ERCC8: variants seen among roughly 807,000 people sequenced by gnomAD.
ERCC8 encodes the protein ERCC excision repair 8, CSA ubiquitin ligase complex subunit.
A neutral mutation model predicts 54.9 loss-of-function variants in ERCC8; 52 were observed. The ratio of observed to expected loss-of-function variants is 0.95; its 90% CI spans 0.76 to 1.19. The LOEUF is 1.19. Among genes scored for constraint, ERCC8 ranks in the 50% most tolerant of loss-of-function variants. ERCC8 has a pLI of 0.00. For synonymous variants in ERCC8, 146 were observed against 157.2 expected (o/e 0.93, Z 0.53); for missense variants, 514 against 466.1 (o/e 1.10, Z -0.95).
At position 60,890,876 on chromosome 5, in the gene ERCC8, G is replaced by GT. The variant is rs1748524454; in HGVS notation, c.1041+12dup. ...AGCTAGCTGAACATTTTAAATTCCT[G>GT]TATCACTCTTACCTGGAAATTTGAC... On this transcript the variant is annotated intron_variant, in intron 10 of 11. Transcript: ENST00000676185. 5 of 1,596,248 alleles carry GT rather than the reference G, an allele frequency of 3.1e-6. No homozygotes were observed. In the South Asian group the frequency reaches 5.5e-5, roughly 18 times the overall value.
At chr5:60,892,499 C>T (rs879040167) in intron 9 of ERCC8, 20 of 586,320 alleles carry the variant, frequency 3.4e-5, no homozygotes, top group Non-Finnish European at 6.3e-5. Flanking sequence ...TCCCGCTCAC[C>T]CAGTCAGCTA....
At chr5:60,885,268 C>A (rs914279038) in intron 11 of ERCC8, among the ~76,000 whole-genome samples, 4 of 152,088 alleles carry the variant, frequency 2.6e-5, no homozygotes, top group African/African-American at 7.3e-5. Flanking sequence ...CCCACCTCAG[C>A]CTCTCAAAGT....
chr5:60,918,922 C>A (rs558737345), intron 3 of ERCC8, among the ~76,000 whole-genome samples: 1 of 152,020 alleles, frequency 6.6e-6, no homozygotes, highest in Non-Finnish European at 1.5e-5. Flanking sequence ...TCCATAAAAA[C>A]ATAACATGTT....
At chr5:60,937,831 T>G (rs1372683356) in intron 1 of ERCC8, among the ~76,000 whole-genome samples, 1 of 152,070 alleles carries the variant, frequency 6.6e-6, no homozygotes, top group Admixed American at 6.6e-5. Context: ...GGAGCGTTCC[T>G]GTGGTAGTTC....
In ERCC8 at chr5:60,922,160, T is replaced by C. The variant is rs1235605564; in HGVS notation, c.174-5A>G. On this transcript the variant is annotated splice_polypyrimidine_tract_variant and splice_region_variant and intron_variant, in intron 2 of 11. Coordinates refer to ENST00000676185, the MANE Select transcript of ERCC8 (RefSeq NM_000082.4). The stretch of plus-strand genomic sequence containing the variant: ...TCTGAACCACCTGATAACATGCTGA[T>C]AATAAAAAAGTTCACATTAATTTAT... The C allele has an allele frequency of 1.3e-6, 2 of 1,574,966 alleles. No homozygotes were observed. The highest frequency in any genetic ancestry group is 1.7e-6 in the Non-Finnish European group (2 of 1,146,704).
Position 60,898,431 on chromosome 5 carries a change from G to A in ERCC8, c.719-31C>T, listed in dbSNP as rs372934870. The A allele has an allele frequency of 3.4e-4, 554 of 1,611,532 alleles. 1 individual carries two copies. Among genetic ancestry groups the A allele is most frequent in the Non-Finnish European group, 1.9e-4 (226 of 1,178,284 alleles). On this transcript the variant is annotated intron_variant, in intron 8 of 11. Coordinates refer to ENST00000676185, the MANE Select transcript of ERCC8 (RefSeq NM_000082.4). ...ATGAAAAACATAGTTCAGTTTATCT[G>A]TTCTTGTATTCAGGACATATTTAAT... is the stretch of plus-strand genomic sequence containing the variant.
In ERCC8 at chr5:60,872,529, A is replaced by T. The variant is rs1747884705; in HGVS notation, c.*2086T>A. ...AGACATGCAAATGGCCAGCAGATAT[A>T]TGAAAAAATTATCAACATCAGCAGT... On this transcript the variant is annotated 3_prime_UTR_variant, in exon 12 of 12. Coordinates refer to ENST00000676185, the MANE Select transcript of ERCC8 (RefSeq NM_000082.4). Among the ~76,000 whole-genome samples the T allele has an allele frequency of 6.6e-6, 1 of 152,200 alleles. No individual in the cohort carries two copies. The highest frequency in any genetic ancestry group is 6.5e-5 in the Admixed American group (1 of 15,282).
chr5:60,906,094 C>A (rs574873718), intron 4 of ERCC8, among the ~76,000 whole-genome samples: 1 of 152,226 alleles, frequency 6.6e-6, no homozygotes, highest in Admixed American at 6.5e-5. Flanking sequence ...ATGTTATATG[C>A]AGGAGTAATT....
At chr5:60,908,726 G>T (rs2112501217) in intron 4 of ERCC8, among the ~76,000 whole-genome samples, 1 of 152,092 alleles carries the variant, frequency 6.6e-6, no homozygotes, top group South Asian at 2.1e-4. Context: ...AGGCTGAATT[G>T]CTTGACATGT....
intron 11 of ERCC8, among the ~76,000 whole-genome samples, chr5:60,878,170 C>T (rs1487975759): frequency 1.3e-5 from 2 of 152,148 alleles, no homozygotes; most frequent in East Asian, 1.9e-4. Context: ...TGCTCGATTA[C>T]GTTTATTGAT....
chr5:60,887,447 T>C lies in ERCC8; in HGVS notation c.1115A>G (p.Asp372Gly), dbSNP rs745640235. 6.2e-7 allele frequency: 1 copy of C among 1,610,748 alleles called. No homozygotes were observed. Among genetic ancestry groups the C allele is most frequent in the Admixed American group, 1.7e-5 (1 of 60,026 alleles). The change falls in exon 11 of 12, where the codon GAT becomes GGT. Residue 372 changes from aspartate (D) to glycine (G), a missense_variant. Transcript: ENST00000676185. ...VPSLYEPVPD[D>G]DETTTKSQLN... ...TGTGAAAATAATATTTACCTCATCA[T>C]CATCAGGAACTGGTTCATATAAGGA...
At position 60,928,911 on chromosome 5, in the gene ERCC8, G is replaced by C. The variant is rs371181679; in HGVS notation, c.126C>G (p.His42Gln). The change falls in exon 2 of 12, where the codon CAC becomes CAG. Residue 42 changes from histidine to glutamine, a missense_variant. By Grantham distance (24) the His-to-Gln change is conservative. Transcript: ENST00000676185. ...LNKDRDVERIHGGGINTLDIE... is the reference protein window; with the variant it reads ...LNKDRDVERIQGGGINTLDIE... ...TGTCAAGGGTGTTAATTCCACCGCCGTGGATTCTTTCAACATCTCTGTCTT... is the reference window on the plus strand; with the variant it reads ...TGTCAAGGGTGTTAATTCCACCGCCCTGGATTCTTTCAACATCTCTGTCTT... The C allele has an allele frequency of 5.6e-6, 9 of 1,609,052 alleles. No homozygotes were observed. The highest frequency in any genetic ancestry group is 7.6e-6 in the Non-Finnish European group (9 of 1,176,598).
At chr5:60,928,256 A>G (rs1749809146) in intron 2 of ERCC8, among the ~76,000 whole-genome samples, 1 of 152,210 alleles carries the variant, frequency 6.6e-6, no homozygotes, top group African/African-American at 2.4e-5. Context: ...GAGTAAAAGT[A>G]TATGTAATAC....
At chr5:60,906,047 A>AT (rs2112496947) in intron 4 of ERCC8, among the ~76,000 whole-genome samples, 1 of 152,262 alleles carries the variant, frequency 6.6e-6, no homozygotes, top group South Asian at 2.1e-4. Flanking sequence ...TCCTGAAAAG[A>AT]TATCTCAAAA....
intron 11 of ERCC8, among the ~76,000 whole-genome samples, chr5:60,880,423 T>C (rs900169359): frequency 1.8e-4 from 28 of 152,238 alleles, no homozygotes; most frequent in African/African-American, 5.1e-4. Flanking sequence ...ACTTGCTAGA[T>C]TGGGGAAGTT....
intron 11 of ERCC8, among the ~76,000 whole-genome samples, chr5:60,879,068 G>A (rs1579983010): frequency 6.6e-6 from 1 of 152,086 alleles, no homozygotes; most frequent in South Asian, 2.1e-4. Context: ...GGTATGTTGT[G>A]TCTTTGGTCT....
At chr5:60,938,196 C>T (rs1750146687) in intron 1 of ERCC8, among the ~76,000 whole-genome samples, 1 of 148,152 alleles carries the variant, frequency 6.7e-6, no homozygotes, top group Non-Finnish European at 1.5e-5. Context: ...CAACTTGTAA[C>T]TTCAATTTTC....
At chr5:60,911,119 G>C (rs1184800801) in intron 4 of ERCC8, among the ~76,000 whole-genome samples, 1 of 152,022 alleles carries the variant, frequency 6.6e-6, no homozygotes, top group East Asian at 1.9e-4. Flanking sequence ...GTGCAGGTTT[G>C]TTACATAGGT....
chr5:60,913,997 T>A (rs992670287), intron 4 of ERCC8, among the ~76,000 whole-genome samples: 4 of 152,072 alleles, frequency 2.6e-5, no homozygotes, highest in Admixed American at 2.6e-4. Context: ...TGCTGAGGAG[T>A]GCTTTACTTC....
Sources: allele counts gnomAD v4.1 joint callset (sites outside exome capture counted in the v4.1 genomes callset), GRCh38; gene constraint gnomAD v4.1.1; transcripts MANE v1.5; gene names NCBI Gene and HGNC (gene_info 2026-07-23, HGNC 2026-07-21).